Variants in PCDHGB2 observed in about 807,000 individuals in gnomAD.
PCDHGB2 encodes protocadherin gamma subfamily B, 2.
A neutral mutation model predicts 59.3 loss-of-function variants in PCDHGB2; 55 were observed. The ratio of observed to expected loss-of-function variants is 0.93; its 90% confidence interval spans 0.75 to 1.16. The LOEUF (loss-of-function observed/expected upper bound fraction) is 1.16. Among genes scored for constraint, PCDHGB2 ranks in the 50% most tolerant of loss-of-function variants. The pLI is 0.00. For missense variants in PCDHGB2, 1,228 were observed against 1,198.5 expected (o/e 1.02, Z -0.36); for synonymous variants, 516 against 512.0 (o/e 1.01, Z -0.11).
In PCDHGB2 at chr5:141,490,706, T is replaced by C. The variant is rs777636562; in HGVS notation, c.2422-4101T>C. On this transcript the variant is annotated intron_variant, in intron 1 of 3. Coordinates refer to ENST00000522605, the MANE Select transcript of PCDHGB2 (RefSeq NM_018923.3). This position sits in a 1 kb window ranked among gnomAD's most constrained non-coding sequence, Gnocchi z 5.4. ...CCAGACACTGGGGATAATGCCCGCC[T>C]CACCTACTCCATTGTAGGAAATCAG... is the stretch of plus-strand genomic sequence containing the variant. The C allele has an allele frequency of 6.2e-7, 1 of 1,614,074 alleles. No homozygotes were observed. Among genetic ancestry groups the C allele is most frequent in the African/African-American group, 1.3e-5 (1 of 74,948 alleles).
At chr5:141,373,897 C>G (rs1379272131) in intron 1 of PCDHGB2, 1 of 536,936 alleles carries the variant, frequency 1.9e-6, no homozygotes, top group Non-Finnish European at 3.1e-6. Context: ...ACTCAAGTTA[C>G]ATCCTCCAAC....
chr5:141,501,897 C>T (rs796164763), intron 2 of PCDHGB2, among the ~76,000 whole-genome samples: 17 of 152,230 alleles, frequency 1.1e-4, no homozygotes, highest in African/African-American at 3.4e-4. Flanking sequence ...ATCATGGTTC[C>T]AACCCCACTG....
At chr5:141,389,910 C>A in intron 1 of PCDHGB2, 3 of 1,614,080 alleles carry the variant, frequency 1.9e-6, no homozygotes, top group Non-Finnish European at 2.5e-6. Flanking sequence ...TATCACTGAC[C>A]GCCCCGACCC....
chr5:141,512,702 C>T lies in PCDHGB2; in HGVS notation c.*1529C>T, dbSNP rs940927635. 2.0e-5 allele frequency: 3 copies of T among 152,828 alleles called. No homozygotes were observed. Among genetic ancestry groups the T allele is most frequent in the Non-Finnish European group, 2.9e-5 (2 of 68,560 alleles). The allele number at this position is 152,828 out of a possible 1,614,324, so 9.5% of individuals were successfully genotyped here. ...ATAGCCAGTAGTGTAGTGCGGTGTG[C>T]TTTTACGTGATGGCGGGTGGGCAGC... On this transcript the variant is annotated 3_prime_UTR_variant, in exon 4 of 4. Transcript: ENST00000522605.
At position 141,490,162 on chromosome 5, in the gene PCDHGB2, A is replaced by G. The variant is rs1371128858; in HGVS notation, c.2422-4645A>G. The G allele has an allele frequency of 1.2e-6, 2 of 1,614,218 alleles. No individual in the cohort carries two copies. The highest frequency in any genetic ancestry group is 1.7e-6 in the Non-Finnish European group (2 of 1,180,028). ...TGGGGCAATCCATGTGTTGGGTCCCATAGACTTTGAGGAGTCACGTTTCTA... is the reference window on the plus strand; with the variant it reads ...TGGGGCAATCCATGTGTTGGGTCCCGTAGACTTTGAGGAGTCACGTTTCTA... On this transcript the variant is annotated intron_variant, in intron 1 of 3. Transcript: ENST00000522605. This position sits in a 1 kb window ranked among gnomAD's most constrained non-coding sequence, Gnocchi z 5.4.
intron 1 of PCDHGB2, among the ~76,000 whole-genome samples, chr5:141,449,264 C>T (rs2098633342): frequency 6.6e-6 from 1 of 152,056 alleles, no homozygotes; most frequent in African/African-American, 2.4e-5. Flanking sequence ...GTACAAAGAA[C>T]TGTATCTCCT....
At chr5:141,499,726 ACT>A (rs1368224475) in intron 2 of PCDHGB2, among the ~76,000 whole-genome samples, 1 of 128,608 alleles carries the variant, frequency 7.8e-6, no homozygotes, top group African/African-American at 3.0e-5. Flanking sequence ...ACAGAGTCTC[ACT>A]CTCTTGCCCA....
intron 1 of PCDHGB2, chr5:141,366,852 A>T (rs1764825347): frequency 7.0e-7 from 1 of 1,434,404 alleles, no homozygotes; most frequent in Non-Finnish European, 9.4e-7. Context: ...TAAATAGTGG[A>T]ACATTATTTG....
intron 1 of PCDHGB2, among the ~76,000 whole-genome samples, chr5:141,488,118 A>G (rs1054356891): frequency 2.7e-4 from 41 of 152,190 alleles, no homozygotes; most frequent in Non-Finnish European, 2.9e-5. Context: ...AAACATAGAG[A>G]CAGCAGAAAG....
At chr5:141,411,134 G>A (rs1050594380) in intron 1 of PCDHGB2, 1 of 152,434 alleles carries the variant, frequency 6.6e-6, no homozygotes, top group Non-Finnish European at 1.5e-5. Context: ...ACAGGCGTGA[G>A]CCACAATATT....
rs776120937 is a variant in PCDHGB2 at position 141,388,588 on chromosome 5, C to A, written c.2421+26032C>A. On this transcript the variant is annotated intron_variant, in intron 1 of 3. Transcript: ENST00000522605. ...CAGATACACGTTCTAGTGACTGATG[C>A]CAATGATAATGCTCCAGTGTTCAGT... The A allele has an allele frequency of 1.9e-6, 3 of 1,613,876 alleles. No individual in the cohort carries two copies. The South Asian group carries it at 3.3e-5, about 18-fold the overall frequency.
chr5:141,490,644 T>C lies in PCDHGB2; in HGVS notation c.2422-4163T>C. The C allele has an allele frequency of 6.2e-7, 1 of 1,614,188 alleles. No homozygotes were observed. Among genetic ancestry groups the C allele is most frequent in the Non-Finnish European group, 8.5e-7 (1 of 1,180,016 alleles). On this transcript the variant is annotated intron_variant, in intron 1 of 3. Coordinates refer to ENST00000522605, the MANE Select transcript of PCDHGB2 (RefSeq NM_018923.3). The surrounding 1 kb of genome is among the most constrained non-coding windows in gnomAD (Gnocchi z 5.4). Reference sequence around the variant, plus strand: ...CTGCTTACATCCTAGAAAACCGGCCTCCGGGCTCCCTTCTTTGCACTGTGG... The same window carrying C: ...CTGCTTACATCCTAGAAAACCGGCCCCCGGGCTCCCTTCTTTGCACTGTGG...
intron 2 of PCDHGB2, among the ~76,000 whole-genome samples, chr5:141,503,203 A>G (rs10477147): frequency 0.037 from 5,590 of 152,130 alleles, 132 homozygotes; most frequent in South Asian, 0.073. Flanking sequence ...TCAGCCTCTC[A>G]GTGCCCACCA....
At chr5:141,385,495 T>C (rs1781231622) in intron 1 of PCDHGB2, 3 of 1,391,864 alleles carry the variant, frequency 2.2e-6, no homozygotes, top group African/African-American at 2.9e-5. Flanking sequence ...ACATAGGATA[T>C]AGTATTTCTT....
chr5:141,393,917 C>T (rs1429211009), intron 1 of PCDHGB2: 12 of 1,613,806 alleles, frequency 7.4e-6, no homozygotes, highest in Non-Finnish European at 1.7e-6. Context: ...TAATTGCCTT[C>T]TTGAGTGTGC....
intron 1 of PCDHGB2, chr5:141,390,401 A>G (rs1471626291): frequency 2.3e-6 from 3 of 1,328,496 alleles, no homozygotes; most frequent in Admixed American, 2.3e-5. Flanking sequence ...TCATTTTAGG[A>G]AAGTTGTAGT....
chr5:141,366,623 AAG>A (rs1440567853), intron 1 of PCDHGB2: 2 of 1,614,242 alleles, frequency 1.2e-6, no homozygotes, highest in East Asian at 2.2e-5. Flanking sequence ...GGACTCGAGG[AAG>A]AGTCACCTGA....
In PCDHGB2 at chr5:141,388,210, T is replaced by C. The variant is rs1589055013; in HGVS notation, c.2421+25654T>C. ...GCTTGTGCTCTGGAATTTGAGGCTG[T>C]TGCTGAAAATCCACTGAACTTTTAT... On this transcript the variant is annotated intron_variant, in intron 1 of 3. Transcript: ENST00000522605. 1.9e-6 allele frequency: 3 copies of C among 1,587,862 alleles called. No homozygotes were observed. Among genetic ancestry groups the C allele is most frequent in the Non-Finnish European group, 2.6e-6 (3 of 1,159,126 alleles).
At chr5:141,427,722 G>C (rs755543438) in intron 1 of PCDHGB2, 7 of 1,120,986 alleles carry the variant, frequency 6.2e-6, no homozygotes, top group Non-Finnish European at 9.3e-6. Context: ...CCTGGACCTA[G>C]GGCTGAATGG....
Sources: gnomAD v4.1 joint callset for allele counts (sites outside exome capture counted in the v4.1 genomes callset) on GRCh38, gnomAD v4.1.1 for gene constraint, Gnocchi (gnomAD v3.1) non-coding constraint, MANE v1.5 for transcripts, NCBI Gene and HGNC (gene_info 2026-07-23, HGNC 2026-07-21) for gene names.